The following KCNIP4 variants were observed in gnomAD, a reference collection of about 807,000 sequenced individuals.
KCNIP4 encodes the protein Kv channel-interacting protein 4.
KCNIP4 carries 12 observed loss-of-function variants against 34.0 expected under a neutral mutation model. The observed-to-expected ratio is 0.35, with a 90% CI of 0.23 to 0.57. KCNIP4 has a LOEUF of 0.57. Ranked by LOEUF, KCNIP4 falls within the 20% of genes least tolerant of loss-of-function variation. The pLI is 0.83. For synonymous variants in KCNIP4, 124 were observed against 102.2 expected (o/e 1.21, Z -1.29); for missense variants, 238 against 311.7 (o/e 0.76, Z 1.78).
chr4:21,526,573 T>G (rs779725161), intron 1 of KCNIP4, among the ~76,000 whole-genome samples: 30 of 152,106 alleles, frequency 2.0e-4, no homozygotes, highest in East Asian at 5.8e-4. Context: ...TTCATATATA[T>G]AGATTTATAT....
intron 1 of KCNIP4, among the ~76,000 whole-genome samples, chr4:21,889,640 G>C (rs1175688258): frequency 6.6e-6 from 1 of 152,078 alleles, no homozygotes; most frequent in Admixed American, 6.6e-5. Context: ...GTGAATACTA[G>C]AAACAACTAC....
At chr4:20,845,028 T>C (rs1293038404) in intron 3 of KCNIP4, among the ~76,000 whole-genome samples, 4 of 152,218 alleles carry the variant, frequency 2.6e-5, no homozygotes, top group African/African-American at 9.6e-5. Flanking sequence ...TGCTTTGCTC[T>C]ACAGGTGTTG....
intron 1 of KCNIP4, among the ~76,000 whole-genome samples, chr4:21,870,421 T>A (rs182984483): frequency 3.9e-5 from 6 of 152,276 alleles, no homozygotes; most frequent in Admixed American, 1.3e-4. Context: ...TAGCTTATAG[T>A]AACCTTTATG....
At chr4:21,438,486 C>G (rs1216349201) in intron 1 of KCNIP4, among the ~76,000 whole-genome samples, 1 of 151,974 alleles carries the variant, frequency 6.6e-6, no homozygotes, top group South Asian at 2.1e-4. Context: ...TCAAATATGT[C>G]TTTTATTTAG....
In KCNIP4 at chr4:21,290,325, C is replaced by T. The variant is rs368572282; in HGVS notation, c.62-407616G>A. 3.9e-5 allele frequency among the ~76,000 whole-genome samples: 6 copies of T among 152,060 alleles called. No individual in the cohort carries two copies. In the East Asian group the frequency reaches 7.8e-4, roughly 20 times the overall value. Reference sequence around the variant, plus strand: ...GTTGATAAATTACTATGTTCCAAAGCGGACTGCTTTTCTCCTCCTGGGAAA... The same window carrying T: ...GTTGATAAATTACTATGTTCCAAAGTGGACTGCTTTTCTCCTCCTGGGAAA... On this transcript the variant is annotated intron_variant, in intron 1 of 8. Coordinates refer to ENST00000382152, the MANE Select transcript of KCNIP4 (RefSeq NM_025221.6).
chr4:21,063,284 G>C (rs1455251937), intron 1 of KCNIP4, among the ~76,000 whole-genome samples: 2 of 152,138 alleles, frequency 1.3e-5, no homozygotes, highest in East Asian at 3.9e-4. Flanking sequence ...CTTTGTTATG[G>C]CTAGCTTTAA....
At chr4:20,856,111 T>C (rs975813901) in intron 2 of KCNIP4, among the ~76,000 whole-genome samples, 1 of 152,182 alleles carries the variant, frequency 6.6e-6, no homozygotes, top group Non-Finnish European at 1.5e-5. Flanking sequence ...GAAAAGATGA[T>C]GGAAAATGTT....
At chr4:21,315,685 C>T (rs2109286012) in intron 1 of KCNIP4, among the ~76,000 whole-genome samples, 1 of 152,132 alleles carries the variant, frequency 6.6e-6, no homozygotes, top group East Asian at 1.9e-4. Context: ...GGTTATTTTG[C>T]TCCCAAGGTA....
At chr4:21,037,961 G>A (rs1285572694) in intron 1 of KCNIP4, among the ~76,000 whole-genome samples, 1 of 1,226 alleles carries the variant, frequency 8.2e-4, no homozygotes, top group African/African-American at 1.1e-3. Flanking sequence ...ACAAAATGCT[G>A]GGGGTTTTTT....
In KCNIP4 at chr4:21,312,684, G is replaced by A. The variant is rs543895694; in HGVS notation, c.62-429975C>T. On this transcript the variant is annotated intron_variant, in intron 1 of 8. Coordinates refer to ENST00000382152, the MANE Select transcript of KCNIP4 (RefSeq NM_025221.6). ...TTCTATTCCATATTTAAAGGGTTTT[G>A]TTTGTTTGTTTTTATTCAGGTCATT... Among the ~76,000 whole-genome samples, 3 of 152,298 alleles carry A rather than the reference G, an allele frequency of 2.0e-5. No individual in the cohort carries two copies. In the South Asian group the frequency reaches 6.2e-4, roughly 32 times the overall value.
chr4:21,018,060 G>C (rs1484442116), intron 1 of KCNIP4, among the ~76,000 whole-genome samples: 1 of 152,026 alleles, frequency 6.6e-6, no homozygotes, highest in African/African-American at 2.4e-5. Context: ...TGTACTACAT[G>C]GTATGTAAAT....
At chr4:21,651,046 G>A (rs531215866) in intron 1 of KCNIP4, among the ~76,000 whole-genome samples, 1 of 152,208 alleles carries the variant, frequency 6.6e-6, no homozygotes, top group African/African-American at 2.4e-5. Context: ...AAAGAGCCTT[G>A]CCCTTTTAAG....
intron 1 of KCNIP4, among the ~76,000 whole-genome samples, chr4:21,145,967 C>T (rs960758283): frequency 2.0e-5 from 3 of 152,194 alleles, no homozygotes; most frequent in Admixed American, 1.3e-4. Context: ...TTGCATTAGA[C>T]TGTTTAATTC....
intron 3 of KCNIP4, among the ~76,000 whole-genome samples, chr4:20,780,820 T>C (rs577054390): frequency 3.9e-5 from 6 of 152,354 alleles, no homozygotes; most frequent in African/African-American, 1.2e-4. Flanking sequence ...CTGTAAGTAT[T>C]CCTATCTTAG....
At chr4:21,379,886 A>T (rs1223642136) in intron 1 of KCNIP4, among the ~76,000 whole-genome samples, 1 of 127,366 alleles carries the variant, frequency 7.9e-6, no homozygotes, top group Non-Finnish European at 1.6e-5. Flanking sequence ...CACCCCCATC[A>T]CCCACTTCCC....
At chr4:20,803,699 GAGAA>G (rs1227847242) in intron 3 of KCNIP4, among the ~76,000 whole-genome samples, 1 of 95,966 alleles carries the variant, frequency 1.0e-5, no homozygotes, top group African/African-American at 4.7e-5. Flanking sequence ...GAGAGAGAGA[GAGAA>G]AGAGAGAGAG....
chr4:21,239,377 G>A (rs1185783844), intron 1 of KCNIP4, among the ~76,000 whole-genome samples: 3 of 149,386 alleles, frequency 2.0e-5, no homozygotes, highest in African/African-American at 5.0e-5. Context: ...TGACAAATGG[G>A]ATCTAATTAA....
At chr4:20,816,442 G>A (rs542526213) in intron 3 of KCNIP4, among the ~76,000 whole-genome samples, 62 of 152,210 alleles carry the variant, frequency 4.1e-4, no homozygotes, top group Middle Eastern at 6.8e-3. Context: ...AGCAAGCTAC[G>A]TAGGGCGCAG....
intron 1 of KCNIP4, among the ~76,000 whole-genome samples, chr4:21,694,491 ACT>A (rs1161680695): frequency 6.6e-6 from 1 of 152,024 alleles, no homozygotes; most frequent in African/African-American, 2.4e-5. Flanking sequence ...TGTAAAATAC[ACT>A]CTTTGAGAAG....
Sources: allele counts gnomAD v4.1 joint callset (sites outside exome capture counted in the v4.1 genomes callset), GRCh38; gene constraint gnomAD v4.1.1; transcripts MANE v1.5; gene names NCBI Gene and HGNC (gene_info 2026-07-23, HGNC 2026-07-21).